Variants in TERB1 observed in about 807,000 individuals in gnomAD.
TERB1 encodes telomere repeats-binding bouquet formation protein 1.
A neutral mutation model predicts 92.3 loss-of-function variants in TERB1; 63 were observed. That is an observed-to-expected ratio of 0.68 (90% CI 0.56 to 0.84). The LOEUF (loss-of-function observed/expected upper bound fraction) is 0.84, where lower values mean the gene tolerates loss of function less well. TERB1 is among the 40% of genes least tolerant of loss of function. The probability of loss-of-function intolerance (pLI) is 0.00; values close to 1 mark genes in which losing one functional copy is unlikely to be tolerated. For missense variants in TERB1, 709 were observed against 843.7 expected, an observed-to-expected ratio of 0.84 and a Z score of 1.98; for synonymous variants, 252 against 283.9, an observed-to-expected ratio of 0.89 and a Z score of 1.13.
intron 18 of TERB1, 67 bp downstream of exon 18, chr16:66,758,706 A>C (rs2018177583): frequency 1.5e-5 from 14 of 946,610 alleles, no homozygotes; most frequent in Non-Finnish European, 2.3e-5. Context: ...GCTCCACTGC[A>C]CTCCATCCTG....
chr16:66,758,509 G>A (rs2018173468), intron 18 of TERB1: 4 of 300,208 alleles, frequency 1.3e-5, no homozygotes, highest in Non-Finnish European at 2.5e-5. Context: ...GGGAGGCCAA[G>A]GTGGGTGGAT....
chr16:66,778,227 T>C (rs73582938), intron 10 of TERB1, among the ~76,000 whole-genome samples: 3,941 of 152,218 alleles, frequency 0.026, 177 homozygotes, highest in African/African-American at 0.091. Flanking sequence ...CCATTCTTAA[T>C]CTCAAAAATA....
rs978842859 is a variant in TERB1, at chr16:66,755,322, T to A, written c.1997-159A>T. Among the ~76,000 whole-genome samples, 4 of 152,210 alleles carry A rather than the reference T, an allele frequency of 2.6e-5. No individual in the cohort carries two copies. The South Asian group carries it at 8.3e-4, about 31-fold the overall frequency. Reference sequence around the variant, plus strand: ...ATCATGTGGAAACCCACTTCAATTTTAAAAACCTGAGTGCCTAATATTAAG... The same window carrying A: ...ATCATGTGGAAACCCACTTCAATTTAAAAAACCTGAGTGCCTAATATTAAG... On this transcript the variant is annotated intron_variant, in intron 18 of 18. Coordinates refer to ENST00000433154, the MANE Select transcript of TERB1 (RefSeq NM_001136505.2).
rs201672449 is a variant in TERB1 at position 66,800,393 on chromosome 16, T to TTG, written c.-33+583_-33+584insCA. Among the ~76,000 whole-genome samples, 105 of 56,934 alleles carry TTG rather than the reference T, an allele frequency of 1.8e-3. 4 individuals are homozygous for TTG. The South Asian group carries it at 0.019, about 10-fold the overall frequency. The allele number at this position is 56,934 out of a possible 152,430, so 37.4% of individuals were successfully genotyped here. A position where few individuals can be genotyped will look rare whatever the true frequency, so the allele number is the denominator to read the frequency against. ...AATAAATAAATAAAAATAAAGAAAG[T>TTG]TTTTTTTTTTTTTTTTTGAGACAGT... On this transcript the variant is annotated intron_variant, in intron 2 of 18. Coordinates refer to ENST00000433154, the MANE Select transcript of TERB1 (RefSeq NM_001136505.2).
At position 66,770,317 on chromosome 16, in the gene TERB1, G is replaced by A. The variant is rs1273035997; in HGVS notation, c.1273-8C>T. 1.4e-6 allele frequency: 2 copies of A among 1,465,280 alleles called. No individual in the cohort carries two copies. The highest frequency in any genetic ancestry group is 2.8e-5 in the African/African-American group (2 of 70,216). The allele number at this position is 1,465,280 out of a possible 1,614,324, so 90.8% of individuals were successfully genotyped here. On this transcript the variant is annotated splice_polypyrimidine_tract_variant and splice_region_variant and intron_variant, in intron 13 of 18. Transcript: ENST00000433154. Reference sequence around the variant, plus strand: ...TTCTCTTTGTATTTCTTCCTATAGTGTAAAAATGACAAATAATTTCAATAT... The same window carrying A: ...TTCTCTTTGTATTTCTTCCTATAGTATAAAAATGACAAATAATTTCAATAT...
At chr16:66,769,324 C>T (rs2018403775) in intron 14 of TERB1, among the ~76,000 whole-genome samples, 1 of 152,072 alleles carries the variant, frequency 6.6e-6, no homozygotes, top group South Asian at 2.1e-4. Flanking sequence ...TGTAACCCTT[C>T]TTCCTGGTAC....
chr16:66,784,817 C>T (rs1425791990), intron 9 of TERB1, among the ~76,000 whole-genome samples: 4 of 134,610 alleles, frequency 3.0e-5, no homozygotes, highest in African/African-American at 1.1e-4. Context: ...GTGGTGTGAT[C>T]TCAGCCTCTG....
In TERB1 at chr16:66,796,791, C is replaced by A. The variant is rs964968601; in HGVS notation, c.8G>T (p.Ser3Ile). 6 of 1,533,706 alleles carry A rather than the reference C, an allele frequency of 3.9e-6. No homozygotes were observed. Among genetic ancestry groups the A allele is most frequent in the Non-Finnish European group, 4.4e-6 (5 of 1,131,184 alleles). Residue 3 changes from serine (S) to isoleucine (I), a missense_variant, in exon 3 of 19, where the codon AGT (serine) becomes ATT (isoleucine). Coordinates refer to ENST00000433154, the MANE Select transcript of TERB1 (RefSeq NM_001136505.2). ...ACCTTGTGTTTTCTTTGTGTCTTCA[C>A]TTTCCATGCTTGTCTATATTCTTTT... ME[S>I]EDTKKTQEMK...
At chr16:66,792,797 T>C (rs992172149) in intron 3 of TERB1, among the ~76,000 whole-genome samples, 2 of 152,164 alleles carry the variant, frequency 1.3e-5, no homozygotes, top group Non-Finnish European at 2.9e-5. Flanking sequence ...ATATAGTCAA[T>C]TGTAATACAA....
chr16:66,774,501 A>G (rs1035891664), intron 12 of TERB1, among the ~76,000 whole-genome samples: 1 of 152,056 alleles, frequency 6.6e-6, no homozygotes, highest in Admixed American at 6.6e-5. Context: ...ATTTTTAAAT[A>G]AATGAATGTA....
At chr16:66,778,792 A>G in intron 10 of TERB1, 71 bp downstream of exon 10, 1 of 1,238,282 alleles carries the variant, frequency 8.1e-7, no homozygotes, top group Non-Finnish European at 1.1e-6. Flanking sequence ...TCAATCTACT[A>G]TTTCAACACT....
At chr16:66,790,195 G>C (rs1311248232) in intron 5 of TERB1, among the ~76,000 whole-genome samples, 1 of 149,470 alleles carries the variant, frequency 6.7e-6, no homozygotes, top group Non-Finnish European at 1.5e-5. Flanking sequence ...CCTTTGATCT[G>C]GAAAGAAGAT....
intron 11 of TERB1, among the ~76,000 whole-genome samples, chr16:66,775,801 C>T (rs1202281112): frequency 3.3e-5 from 5 of 149,858 alleles, no homozygotes; most frequent in Non-Finnish European, 7.4e-5. Context: ...GTCTCCGCCT[C>T]CCGGGTTCAA....
chr16:66,776,505 G>A (rs369854135), intron 11 of TERB1, among the ~76,000 whole-genome samples: 14 of 152,132 alleles, frequency 9.2e-5, no homozygotes, highest in African/African-American at 3.1e-4. Flanking sequence ...TTAAGGGAAA[G>A]AATAGGTAAA....
chr16:66,771,804 TCAGA>T (rs1299415643), intron 13 of TERB1, among the ~76,000 whole-genome samples: 3 of 152,166 alleles, frequency 2.0e-5, no homozygotes, highest in Non-Finnish European at 4.4e-5. Flanking sequence ...TGAATACTAC[TCAGA>T]CAATTAAAAT....
At chr16:66,760,374 A>T (rs1245110852) in intron 16 of TERB1, among the ~76,000 whole-genome samples, 3 of 121,810 alleles carry the variant, frequency 2.5e-5, no homozygotes, top group South Asian at 3.0e-4. Flanking sequence ...CAGGAGAATC[A>T]CTTGAACCCG....
intron 17 of TERB1, 86 bp from the exon 18 acceptor site, chr16:66,758,924 C>T: frequency 9.7e-7 from 1 of 1,030,846 alleles, no homozygotes; most frequent in Non-Finnish European, 1.4e-6. Flanking sequence ...TTCCTTTATT[C>T]CCCCGTCTAG....
At chr16:66,787,283 CTTT>C (rs58213946) in intron 6 of TERB1, among the ~76,000 whole-genome samples, 3 of 137,880 alleles carry the variant, frequency 2.2e-5, no homozygotes, top group Non-Finnish European at 3.1e-5. Context: ...TTTTCTTTTT[CTTT>C]TTTTTTTTTT....
At chr16:66,764,917 T>C in intron 16 of TERB1, among the ~76,000 whole-genome samples, 1 of 152,154 alleles carries the variant, frequency 6.6e-6, no homozygotes. Context: ...AATGAAAGAA[T>C]AAGGCTATAG....
Sources: gnomAD v4.1 joint callset for allele counts (sites outside exome capture counted in the v4.1 genomes callset) on GRCh38, gnomAD v4.1.1 for gene constraint, MANE v1.5 for transcripts, NCBI Gene and HGNC (gene_info 2026-07-23, HGNC 2026-07-21) for gene names.